The following KMT2C variants were observed in gnomAD, a reference collection of about 807,000 sequenced individuals.
The protein encoded by KMT2C is lysine methyltransferase 2C, also known as histone-lysine N-methyltransferase 2C.
Under a neutral mutation model 507.9 loss-of-function variants are expected in KMT2C, and 88 were observed. The observed-to-expected ratio is 0.17, with a 90% CI of 0.15 to 0.21. KMT2C has a LOEUF of 0.21. KMT2C is among the 10% of genes least tolerant of loss of function. The pLI, the probability that KMT2C is intolerant of heterozygous loss-of-function variation, is 1.00. For missense variants in KMT2C, 4,954 were observed against 5,957.8 expected (o/e 0.83, Z 5.55); for synonymous variants, 2,049 against 2,080.8 (o/e 0.98, Z 0.42).
At chr7:152,375,890 A>G (rs926921728) in intron 1 of KMT2C, among the ~76,000 whole-genome samples, 2 of 152,184 alleles carry the variant, frequency 1.3e-5, no homozygotes, top group African/African-American at 4.8e-5. Flanking sequence ...GCAGTGGCAC[A>G]ATCACAGCTC....
intron 26 of KMT2C, among the ~76,000 whole-genome samples, chr7:152,201,281 C>CAG (rs1209634219): frequency 7.0e-6 from 1 of 142,426 alleles, no homozygotes; most frequent in Non-Finnish European, 1.5e-5. Context: ...TCATGTCACA[C>CAG]ATACAGACAC....
At chr7:152,225,520 T>TC (rs1047256336) in intron 18 of KMT2C, among the ~76,000 whole-genome samples, 1 of 152,184 alleles carries the variant, frequency 6.6e-6, no homozygotes, top group Admixed American at 6.5e-5. Context: ...CACAAGCAAC[T>TC]ATGTGTGAAG....
rs781047185 is a variant in KMT2C, at chr7:152,187,213, G to A, written c.5008+49C>T. 3.5e-6 allele frequency: 5 copies of A among 1,447,066 alleles called. No homozygotes were observed. In the East Asian group the frequency reaches 1.1e-4, roughly 33 times the overall value. 89.6% of individuals were successfully genotyped at this position (1,447,066 alleles called of 1,614,324 possible). A position where few individuals can be genotyped will look rare whatever the true frequency, so the allele number is the denominator to read the frequency against. On this transcript the variant is annotated intron_variant, in intron 33 of 58. Coordinates refer to ENST00000262189, the MANE Select transcript of KMT2C (RefSeq NM_170606.3). ...TGCAGTTAAAAAAAAAAAAGGTATTGCACATGTGAAAATGTTGGTAAAACA... is the reference window on the plus strand; with the variant it reads ...TGCAGTTAAAAAAAAAAAAGGTATTACACATGTGAAAATGTTGGTAAAACA...
intron 23 of KMT2C, among the ~76,000 whole-genome samples, chr7:152,210,524 T>G (rs1031031493): frequency 3.9e-5 from 6 of 151,922 alleles, no homozygotes; most frequent in African/African-American, 1.5e-4. Flanking sequence ...TAAAACATTA[T>G]GAGACTTTTT....
rs143274543 is a variant in KMT2C, at chr7:152,215,315, C to G, written c.3712+5208G>C. On this transcript the variant is annotated intron_variant, in intron 23 of 58. Coordinates refer to ENST00000262189, the MANE Select transcript of KMT2C (RefSeq NM_170606.3). ...GATCACGAGTTCAGGAGATTGAGAC[C>G]AACCTGGCTAACATGGTGAAACCCC... Among the ~76,000 whole-genome samples, 190 of 151,590 alleles carry G rather than the reference C, an allele frequency of 1.3e-3. 2 individuals carry two copies. The East Asian group carries it at 0.03, about 24-fold the overall frequency.
At chr7:152,188,575 C>CA (rs35832014) in intron 31 of KMT2C, among the ~76,000 whole-genome samples, 10,579 of 110,166 alleles carry the variant, frequency 0.096, 539 homozygotes, top group East Asian at 0.16. Context: ...CTCTTAATAC[C>CA]AAAAAAAAAA....
chr7:152,358,408 T>C (rs374144876), intron 2 of KMT2C, among the ~76,000 whole-genome samples, 179 bp downstream of exon 2: 1 of 152,080 alleles, frequency 6.6e-6, no homozygotes. Context: ...AAAAGAGAGA[T>C]AGAGGGCTCA....
At chr7:152,251,653 A>C (rs1283580229) in intron 11 of KMT2C, among the ~76,000 whole-genome samples, 1 of 152,162 alleles carries the variant, frequency 6.6e-6, no homozygotes, top group Non-Finnish European at 1.5e-5. Context: ...AGCAAACCCA[A>C]AGACTGGGGA....
intron 40 of KMT2C, 148 bp downstream of exon 40, chr7:152,171,116 C>A: frequency 4.4e-6 from 2 of 451,010 alleles, no homozygotes; most frequent in Non-Finnish European, 3.9e-6. Context: ...GCGGTTTTTG[C>A]CACTGGCAAA....
At chr7:152,274,254 ATATTT>A (rs1394498458) in intron 6 of KMT2C, among the ~76,000 whole-genome samples, 1 of 152,192 alleles carries the variant, frequency 6.6e-6, no homozygotes, top group Non-Finnish European at 1.5e-5. Context: ...ATAGGAACAT[ATATTT>A]TATTTATGAG....
At chr7:152,287,226 G>T (rs1395314761) in intron 6 of KMT2C, among the ~76,000 whole-genome samples, 1 of 152,202 alleles carries the variant, frequency 6.6e-6, no homozygotes, top group African/African-American at 2.4e-5. Flanking sequence ...TGACAGGAGA[G>T]GCCTATTGGA....
chr7:152,339,375 A>G (rs1401992078), intron 2 of KMT2C, among the ~76,000 whole-genome samples: 1 of 152,164 alleles, frequency 6.6e-6, no homozygotes, highest in Non-Finnish European at 1.5e-5. Flanking sequence ...AATCACGGAT[A>G]TTTTCTTATC....
At position 152,177,869 on chromosome 7, in the gene KMT2C, G is replaced by C; in HGVS notation, c.7584C>G (p.Asn2528Lys). 6.2e-7 allele frequency: 1 copy of C among 1,613,674 alleles called. No homozygotes were observed. Among genetic ancestry groups the C allele is most frequent in the South Asian group, 1.1e-5 (1 of 91,052 alleles). Residue 2528 changes from asparagine to lysine, a missense_variant, in exon 38 of 59, where the codon AAC becomes AAG. Asn to Lys is a moderately conservative substitution (Grantham distance 94). Around this residue, in one of 29 missense-constraint regions of KMT2C, gnomAD observed 1,689 missense variants for 1,654.3 expected, o/e 1.02. Transcript: ENST00000262189. ...VSVDMPRPLNNSQMNNPVGLP... is the reference protein window; with the variant it reads ...VSVDMPRPLNKSQMNNPVGLP... ...GTCCAACTGGATTATTCATTTGTGA[G>C]TTATTTAAAGGCCTAGGCATATCTA...
intron 1 of KMT2C, among the ~76,000 whole-genome samples, chr7:152,399,748 T>C (rs1372558565): frequency 2.0e-5 from 3 of 151,420 alleles, no homozygotes; most frequent in African/African-American, 7.3e-5. Context: ...AAAAAAAAAA[T>C]AAACCTTATT....
At chr7:152,348,822 T>C (rs2097086505) in intron 2 of KMT2C, among the ~76,000 whole-genome samples, 1 of 152,108 alleles carries the variant, frequency 6.6e-6, no homozygotes. Context: ...TGTCAGTAAG[T>C]ACACAGAGCA....
intron 31 of KMT2C, 99 bp from the exon 32 acceptor site, chr7:152,187,946 G>T (rs2093674577): frequency 8.9e-7 from 1 of 1,122,584 alleles, no homozygotes; most frequent in Non-Finnish European, 1.3e-6. Context: ...AACTGCATGG[G>T]TCCACATAAA....
rs745935927 is a variant in KMT2C, at chr7:152,177,408, G to C, written c.8045C>G (p.Ser2682Cys). The C allele has an allele frequency of 1.2e-6, 2 of 1,614,216 alleles. No homozygotes were observed. Among genetic ancestry groups the C allele is most frequent in the South Asian group, 1.1e-5 (1 of 91,090 alleles). ...SDNLQITTQPSDGLEEKLDSD... is the reference protein window; with the variant it reads ...SDNLQITTQPCDGLEEKLDSD... ...ATCAAGTTTTTCCTCTAGACCATCA[G>C]AAGGCTGGGTGGTTATCTGTAAATT... The change falls in exon 38 of 59, where the codon TCT (serine) becomes TGT (cysteine). Residue 2682 changes from serine to cysteine, a missense_variant. Ser to Cys is a moderately radical substitution (Grantham distance 112, BLOSUM62 -1). Around this residue, in one of 29 missense-constraint regions of KMT2C, gnomAD observed 1,689 missense variants for 1,654.3 expected, o/e 1.02. Transcript: ENST00000262189.
At chr7:152,417,630 A>T (rs1439208907) in intron 1 of KMT2C, among the ~76,000 whole-genome samples, 1 of 152,134 alleles carries the variant, frequency 6.6e-6, no homozygotes, top group African/African-American at 2.4e-5. Flanking sequence ...ATGAAGAATC[A>T]AAAAATGCTT....
intron 6 of KMT2C, among the ~76,000 whole-genome samples, chr7:152,302,972 A>T (rs1270060141): frequency 6.6e-6 from 1 of 152,188 alleles, no homozygotes; most frequent in Non-Finnish European, 1.5e-5. Context: ...AAATAAAATG[A>T]TTAAACATTT....
Sources: allele counts gnomAD v4.1 joint callset (sites outside exome capture counted in the v4.1 genomes callset), GRCh38; gene constraint gnomAD v4.1.1; regional missense constraint gnomAD v4.1.1; transcripts MANE v1.5; gene names NCBI Gene and HGNC (gene_info 2026-07-23, HGNC 2026-07-21).